Variants in RUNX2 observed in about 807,000 individuals in gnomAD.
RUNX2 encodes RUNX family transcription factor 2.
Under a neutral mutation model 51.7 loss-of-function variants are expected in RUNX2, and 10 were observed. The observed-to-expected ratio is 0.19, with a 90% CI of 0.12 to 0.33. The LOEUF (loss-of-function observed/expected upper bound fraction) is 0.33, where lower values mean the gene tolerates loss of function less well. Among genes scored for constraint, RUNX2 ranks in the 10% least tolerant of loss-of-function variants. The probability of loss-of-function intolerance (pLI) is 1.00; values close to 1 mark genes in which losing one functional copy is unlikely to be tolerated. For synonymous variants in RUNX2, 276 were observed against 273.6 expected, an observed-to-expected ratio of 1.01 and a Z score of -0.09; for missense variants, 562 against 691.3, an observed-to-expected ratio of 0.81 and a Z score of 2.10.
intron 2 of RUNX2, among the ~76,000 whole-genome samples, chr6:45,402,140 T>C (rs1655260816): frequency 6.6e-6 from 1 of 152,272 alleles, no homozygotes; most frequent in Non-Finnish European, 1.5e-5. Flanking sequence ...TCTTTGTCCA[T>C]GTTTGTTTGC....
At chr6:45,412,249 G>A (rs1005391377) in intron 2 of RUNX2, among the ~76,000 whole-genome samples, 1 of 151,460 alleles carries the variant, frequency 6.6e-6, no homozygotes, top group Non-Finnish European at 1.5e-5. Context: ...CCAGCTACTC[G>A]GGAGGCTGAG....
intron 5 of RUNX2, among the ~76,000 whole-genome samples, chr6:45,454,119 T>C (rs533629212): frequency 1.6e-4 from 25 of 152,204 alleles, no homozygotes; most frequent in African/African-American, 5.5e-4. Flanking sequence ...GAGAAACTGA[T>C]TGTAGTTAAT....
chr6:45,467,534 G>A (rs1799668895), intron 5 of RUNX2, among the ~76,000 whole-genome samples: 1 of 152,040 alleles, frequency 6.6e-6, no homozygotes, highest in East Asian at 1.9e-4. Flanking sequence ...CACCTGCTTC[G>A]GCCTCCCAAA....
intron 6 of RUNX2, among the ~76,000 whole-genome samples, chr6:45,498,403 T>G (rs1434595124): frequency 6.6e-6 from 1 of 152,224 alleles, no homozygotes; most frequent in Non-Finnish European, 1.5e-5. Flanking sequence ...CAAGATAGGT[T>G]GGGCTTGTTG....
At chr6:45,379,152 C>T (rs1797158759) in intron 2 of RUNX2, among the ~76,000 whole-genome samples, 1 of 152,178 alleles carries the variant, frequency 6.6e-6, no homozygotes, top group African/African-American at 2.4e-5. Context: ...TCTTTAATCT[C>T]CCCAACGCTT....
chr6:45,420,330 T>G (rs571675336), intron 2 of RUNX2, among the ~76,000 whole-genome samples: 1 of 152,106 alleles, frequency 6.6e-6, no homozygotes, highest in Non-Finnish European at 1.5e-5. Flanking sequence ...AGGCCCCTTC[T>G]AGGGCGCAGA....
intron 6 of RUNX2, among the ~76,000 whole-genome samples, chr6:45,495,962 G>A (rs1800632266): frequency 6.6e-6 from 1 of 152,166 alleles, no homozygotes; most frequent in African/African-American, 2.4e-5. Context: ...TTTTGTGGAA[G>A]TCTTTAATGG....
At chr6:45,473,962 C>T (rs757670772) in intron 5 of RUNX2, among the ~76,000 whole-genome samples, 5 of 152,142 alleles carry the variant, frequency 3.3e-5, no homozygotes, top group Admixed American at 1.3e-4. Context: ...GCTCAGCTGC[C>T]GCAGCACCGC....
At chr6:45,503,372 A>G (rs952155897) in intron 6 of RUNX2, among the ~76,000 whole-genome samples, 1 of 152,158 alleles carries the variant, frequency 6.6e-6, no homozygotes, top group Non-Finnish European at 1.5e-5. Context: ...AATGAATGAG[A>G]GACAATTACT....
chr6:45,488,947 T>C (rs1473179809), intron 5 of RUNX2, among the ~76,000 whole-genome samples: 1 of 152,194 alleles, frequency 6.6e-6, no homozygotes, highest in Non-Finnish European at 1.5e-5. Context: ...GCTTGGGTGC[T>C]GGGGATTTAA....
chr6:45,476,514 G>A (rs1055754719), intron 5 of RUNX2, among the ~76,000 whole-genome samples: 3 of 152,194 alleles, frequency 2.0e-5, no homozygotes, highest in Non-Finnish European at 4.4e-5. Flanking sequence ...GCCTGTGCAA[G>A]TGACACATAC....
intron 3 of RUNX2, among the ~76,000 whole-genome samples, chr6:45,424,952 A>G (rs1798344472): frequency 6.6e-6 from 1 of 152,140 alleles, no homozygotes; most frequent in South Asian, 2.1e-4. Context: ...CATACAATAT[A>G]TATCTTTTAC....
At chr6:45,520,610 C>T (rs976690780) in intron 7 of RUNX2, among the ~76,000 whole-genome samples, 4 of 152,178 alleles carry the variant, frequency 2.6e-5, no homozygotes, top group African/African-American at 9.7e-5. Context: ...CCTGTTGTTC[C>T]CTCTTGGGCA....
At chr6:45,460,361 A>G (rs1424214312) in intron 5 of RUNX2, among the ~76,000 whole-genome samples, 17 of 152,146 alleles carry the variant, frequency 1.1e-4, no homozygotes, top group Non-Finnish European at 7.3e-5. Flanking sequence ...CTGACCAAGG[A>G]CTGTCATTGA....
intron 5 of RUNX2, among the ~76,000 whole-genome samples, chr6:45,487,802 G>A (rs1319584166): frequency 6.6e-6 from 1 of 152,188 alleles, no homozygotes; most frequent in Non-Finnish European, 1.5e-5. Flanking sequence ...CTGTAAACAA[G>A]ACAGAGGGCT....
intron 6 of RUNX2, among the ~76,000 whole-genome samples, chr6:45,504,759 G>C (rs539433977): frequency 1.3e-5 from 2 of 152,300 alleles, no homozygotes; most frequent in East Asian, 3.9e-4. Context: ...CTCTGTGTTA[G>C]GATGATTGAC....
rs944321825 is a variant in RUNX2, at chr6:45,549,307, T to C, written c.*2002T>C. 2.5e-6 allele frequency: 1 copy of C among 398,438 alleles called. No individual in the cohort carries two copies. The highest frequency in any genetic ancestry group is 2.1e-5 in the African/African-American group (1 of 48,608). 24.7% of individuals were successfully genotyped at this position (398,438 alleles called of 1,614,324 possible). On this transcript the variant is annotated 3_prime_UTR_variant, in exon 9 of 9. Coordinates refer to ENST00000647337, the MANE Select transcript of RUNX2 (RefSeq NM_001024630.4). ...CCCTAACGGCCCCCTTGTTCTCTGG[T>C]CCTTCTCAAACCCACCTTTGTAGGC...
intron 5 of RUNX2, among the ~76,000 whole-genome samples, chr6:45,448,800 G>A (rs1799076048): frequency 6.6e-6 from 1 of 152,244 alleles, no homozygotes; most frequent in South Asian, 2.1e-4. Context: ...ATTAATCTGG[G>A]CCTTATGCCT....
intron 2 of RUNX2, among the ~76,000 whole-genome samples, chr6:45,343,860 C>T (rs1276745140): frequency 4.6e-5 from 7 of 152,106 alleles, no homozygotes; most frequent in Non-Finnish European, 8.8e-5. Flanking sequence ...TAAAATCATG[C>T]TTTTAATAAC....
Sources: allele counts gnomAD v4.1 joint callset (sites outside exome capture counted in the v4.1 genomes callset), GRCh38; gene constraint gnomAD v4.1.1; transcripts MANE v1.5; gene names NCBI Gene and HGNC (gene_info 2026-07-23, HGNC 2026-07-21).